The following CTH variants were observed in gnomAD, a reference collection of about 807,000 sequenced individuals.
The protein encoded by CTH is cystathionase (cystathionine gamma-lyase).
CTH carries 41 observed loss-of-function variants against 50.6 expected under a neutral mutation model. The observed-to-expected ratio is 0.81, with a 90% CI of 0.63 to 1.05. The LOEUF is 1.05. CTH is among the 50% of genes least tolerant of loss of function. CTH has a pLI of 0.00. For missense variants in CTH, 470 were observed against 492.6 expected (o/e 0.95, Z 0.43); for synonymous variants, 156 against 168.9 (o/e 0.92, Z 0.59).
At chr1:70,412,705 C>G (rs927896597) in intron 1 of CTH, among the ~76,000 whole-genome samples, 4 of 152,154 alleles carry the variant, frequency 2.6e-5, no homozygotes, top group African/African-American at 9.7e-5. Flanking sequence ...GTTAGTTAAC[C>G]TATCAAAACC....
rs182047358 is a variant in CTH, at chr1:70,416,095, T to C, written c.250+58T>C. On this transcript the variant is annotated intron_variant, in intron 2 of 11. Transcript: ENST00000370938. The stretch of plus-strand genomic sequence containing the variant: ...ATTTTTAAATGTATAGAGAAAACCA[T>C]AGAGGCACAGAATGTGGAACTGAAA... 1.6e-3 allele frequency: 1,658 copies of C among 1,008,678 alleles called. 24 individuals are homozygous for C. The South Asian group carries it at 0.018, about 11-fold the overall frequency. The allele number at this position is 1,008,678 out of a possible 1,614,324, so 62.5% of individuals were successfully genotyped here. A position where few individuals can be genotyped will look rare whatever the true frequency, so the allele number is the denominator to read the frequency against.
Position 70,429,108 on chromosome 1 carries a change from T to C in CTH, c.589-686T>C, listed in dbSNP as rs373922024. On this transcript the variant is annotated intron_variant, in intron 5 of 11. Transcript: ENST00000370938. ...TCCCAGCCGTCTAGATTTCTTGTAA[T>C]ACCTAATACAATGTACATGCTTTAT... Among the ~76,000 whole-genome samples the C allele has an allele frequency of 5.3e-5, 8 of 152,220 alleles. No individual in the cohort carries two copies. In the South Asian group the frequency reaches 6.2e-4, roughly 12 times the overall value.
At chr1:70,430,280 T>A (rs749046840) in intron 6 of CTH, 37 bp from the exon 7 acceptor site, 3 of 1,175,418 alleles carry the variant, frequency 2.6e-6, no homozygotes, top group Non-Finnish European at 2.6e-6. Flanking sequence ...TGTTTCTAAC[T>A]GAAATTTTTG....
intron 10 of CTH, among the ~76,000 whole-genome samples, chr1:70,436,855 A>C (rs1465582828): frequency 6.6e-6 from 1 of 152,176 alleles, no homozygotes; most frequent in Non-Finnish European, 1.5e-5. Flanking sequence ...TTGTTTAAAA[A>C]ATTGTCTTAA....
In CTH at chr1:70,418,013, T is replaced by C; in HGVS notation, c.327T>C (p.Cys109=). ...HLLKAGDQII[C]MDDVYGGTNR... Reference sequence around the variant, plus strand: ...TAAAAGCAGGAGACCAAATTATTTGTATGGATGATGTGTATGGAGGTAGGT... The same window carrying C: ...TAAAAGCAGGAGACCAAATTATTTGCATGGATGATGTGTATGGAGGTAGGT... The change falls in exon 3 of 12, where the codon TGT becomes TGC. Residue 109 remains cysteine (C), a synonymous_variant. Coordinates refer to ENST00000370938, the MANE Select transcript of CTH (RefSeq NM_001902.6). 1.2e-6 allele frequency: 2 copies of C among 1,614,160 alleles called. No individual in the cohort carries two copies. The highest frequency in any genetic ancestry group is 1.7e-6 in the Non-Finnish European group (2 of 1,180,004).
intron 2 of CTH, 27 bp from the exon 3 acceptor site, chr1:70,417,910 C>G (rs1684128230): frequency 6.2e-7 from 1 of 1,613,526 alleles, no homozygotes; most frequent in Middle Eastern, 1.7e-4. Context: ...GACTTTTCAG[C>G]TTACTCTAAC....
intron 7 of CTH, 100 bp from the exon 8 acceptor site, chr1:70,431,983 C>A (rs1684484501): frequency 1.6e-6 from 2 of 1,225,684 alleles, no homozygotes; most frequent in African/African-American, 3.0e-5. Context: ...TTGAGCTTTA[C>A]ACCTAGCTTC....
Position 70,437,744 on chromosome 1 carries a change from A to AT in CTH, c.1053-935dup, listed in dbSNP as rs956602644. ...ATCCATCACTCAGACCACAGCTGAGATTTTTTTTTCCCCATGGCTCTCATG... is the reference window on the plus strand; with the variant it reads ...ATCCATCACTCAGACCACAGCTGAGATTTTTTTTTTCCCCATGGCTCTCATG... On this transcript the variant is annotated intron_variant, in intron 10 of 11. Transcript: ENST00000370938. Among the ~76,000 whole-genome samples the AT allele has an allele frequency of 5.3e-5, 8 of 151,962 alleles. No individual in the cohort carries two copies. The East Asian group carries it at 9.7e-4, about 18-fold the overall frequency.
At chr1:70,436,148 T>C (rs966956306) in intron 10 of CTH, among the ~76,000 whole-genome samples, 1 of 144,760 alleles carries the variant, frequency 6.9e-6, no homozygotes, top group Non-Finnish European at 1.5e-5. Flanking sequence ...CTGTCTCTCC[T>C]AAAAAAAAAA....
intron 7 of CTH, among the ~76,000 whole-genome samples, chr1:70,431,335 T>C (rs1003852137): frequency 2.2e-4 from 33 of 152,240 alleles, no homozygotes; most frequent in Admixed American, 2.0e-3. Context: ...TTTTTTTCTT[T>C]TTTAAAATTA....
intron 5 of CTH, among the ~76,000 whole-genome samples, chr1:70,427,596 T>C (rs992395724): frequency 4.6e-5 from 7 of 152,298 alleles, no homozygotes; most frequent in Middle Eastern, 3.4e-3. Flanking sequence ...AAAGTTCCCA[T>C]AGCCACCTAT....
intron 3 of CTH, among the ~76,000 whole-genome samples, chr1:70,419,989 G>C (rs1038520047): frequency 2.6e-5 from 4 of 151,460 alleles, no homozygotes; most frequent in African/African-American, 9.7e-5. Context: ...ACCAGGGACC[G>C]GCGTGTTTTT....
chr1:70,432,249 A>T lies in CTH; in HGVS notation c.877+14A>T. 6.2e-7 allele frequency: 1 copy of T among 1,613,910 alleles called. No individual in the cohort carries two copies. Among genetic ancestry groups the T allele is most frequent in the Non-Finnish European group, 8.5e-7 (1 of 1,179,842 alleles). The stretch of plus-strand genomic sequence containing the variant: ...TTATTTATCCTGGTATGTTAATTTG[A>T]TTTCTAAGCAGATCTACTAGGATTT... On this transcript the variant is annotated intron_variant, in intron 8 of 11. Transcript: ENST00000370938.
Position 70,415,945 on chromosome 1 carries a change from G to GT in CTH, c.169-4dup, listed in dbSNP as rs765807497. On this transcript the variant is annotated splice_polypyrimidine_tract_variant and intron_variant, in intron 1 of 11. Coordinates refer to ENST00000370938, the MANE Select transcript of CTH (RefSeq NM_001902.6). ...AATCTCTTAGGATGAACTCGAACTT[G>GT]TTTTTTTCAGGGTTTTGAATATAGC... 5.8e-6 allele frequency: 9 copies of GT among 1,558,712 alleles called. No homozygotes were observed. Among genetic ancestry groups the GT allele is most frequent in the Admixed American group, 1.7e-5 (1 of 59,932 alleles).
chr1:70,424,351 A>G lies in CTH; in HGVS notation c.523A>G (p.Ile175Val), dbSNP rs780488947. The G allele has an allele frequency of 3.1e-6, 5 of 1,614,126 alleles. No individual in the cohort carries two copies. The South Asian group carries it at 3.3e-5, about 11-fold the overall frequency. Residue 175 changes from isoleucine to valine, a missense_variant, in exon 5 of 12, where the codon ATT (isoleucine) becomes GTT (valine). Ile to Val is a conservative substitution (Grantham distance 29, BLOSUM62 3). Transcript: ENST00000370938. ...KVIDIEGCAH[I>V]VHKHGDIILV... is the part of the protein sequence containing the mutation. ...GATTGACATTGAAGGCTGTGCACAT[A>G]TTGTCCATAAGCATGGAGACATTAT... is the stretch of plus-strand genomic sequence containing the variant.
chr1:70,411,700 A>G, intron 1 of CTH, 117 bp downstream of exon 1: 1 of 1,467,698 alleles, frequency 6.8e-7, no homozygotes, highest in Non-Finnish European at 9.0e-7. Flanking sequence ...AAGGCAACCG[A>G]AAGATGTTTC....
At chr1:70,433,736 C>A (rs1488527397) in intron 8 of CTH, 92 bp from the exon 9 acceptor site, 20 of 1,572,190 alleles carry the variant, frequency 1.3e-5, no homozygotes, top group Non-Finnish European at 1.6e-5. Flanking sequence ...GGCTTATTTG[C>A]AGTTAAGTAG....
chr1:70,417,238 C>T (rs926748575), intron 2 of CTH, among the ~76,000 whole-genome samples: 13 of 151,776 alleles, frequency 8.6e-5, no homozygotes, highest in East Asian at 3.9e-4. Flanking sequence ...ATATAATTAA[C>T]GTATGAATCA....
chr1:70,416,228 A>G (rs1684088695), intron 2 of CTH, among the ~76,000 whole-genome samples, 191 bp downstream of exon 2: 1 of 152,234 alleles, frequency 6.6e-6, no homozygotes, highest in Non-Finnish European at 1.5e-5. Flanking sequence ...AGGTAAAAAT[A>G]CGTATGAATA....
Sources: gnomAD v4.1 joint callset for allele counts (sites outside exome capture counted in the v4.1 genomes callset) on GRCh38, gnomAD v4.1.1 for gene constraint, MANE v1.5 for transcripts, NCBI Gene and HGNC (gene_info 2026-07-23, HGNC 2026-07-21) for gene names.